Variants in LSS observed in about 807,000 individuals in gnomAD.
LSS encodes 2,3-epoxysqualene-lanosterol cyclase.
Under a neutral mutation model 110.3 loss-of-function variants are expected in LSS, and 90 were observed. That is an observed-to-expected ratio of 0.82 (90% CI 0.69 to 0.97). The LOEUF (loss-of-function observed/expected upper bound fraction) is 0.97. Ranked by LOEUF, LSS falls within the 50% of genes least tolerant of loss-of-function variation. LSS has a pLI of 0.00. For missense variants in LSS, 927 were observed against 990.0 expected (o/e 0.94, Z 0.85); for synonymous variants, 433 against 400.0 (o/e 1.08, Z -0.98).
At chr21:46,192,057 C>A in intron 20 of LSS, 98 bp from the exon 21 acceptor site, 1 of 939,576 alleles carries the variant, frequency 1.1e-6, no homozygotes, top group Non-Finnish European at 1.7e-6. Context: ...CCCTGGAATG[C>A]TGCAGTGAGA....
intron 3 of LSS, chr21:46,227,303 G>C (rs889973035): frequency 2.0e-6 from 1 of 494,596 alleles, no homozygotes; most frequent in Non-Finnish European, 3.6e-6. Context: ...CCTCCCTCAA[G>C]GCAACACAGA....
intron 16 of LSS, among the ~76,000 whole-genome samples, chr21:46,206,182 T>C (rs1267136004): frequency 6.6e-6 from 1 of 152,134 alleles, no homozygotes; most frequent in African/African-American, 2.4e-5. Flanking sequence ...CCATGTGTGA[T>C]GTGGAGGGGA....
chr21:46,226,301 TC>T (rs1299346865), intron 3 of LSS, among the ~76,000 whole-genome samples: 2 of 152,114 alleles, frequency 1.3e-5, no homozygotes, highest in Non-Finnish European at 2.9e-5. Flanking sequence ...CAAACCTGAT[TC>T]CAATCCTGTC....
rs527729606 is a variant in LSS, at chr21:46,197,627, G to A, written c.1671-1360C>T. ...ACTGCTGCCGGGCGCAGTGGCTCAC[G>A]CCTTGTAATCCCAGCACTTTGGGAG... is the stretch of plus-strand genomic sequence containing the variant. On this transcript the variant is annotated intron_variant, in intron 17 of 21. Transcript: ENST00000397728. Among the ~76,000 whole-genome samples the A allele has an allele frequency of 1.4e-4, 21 of 152,302 alleles. 1 individual carries two copies. The South Asian group carries it at 4.4e-3, about 32-fold the overall frequency.
intron 18 of LSS, among the ~76,000 whole-genome samples, 190 bp downstream of exon 18, chr21:46,196,012 T>C (rs140734418): frequency 1.5e-4 from 23 of 152,306 alleles, no homozygotes; most frequent in African/African-American, 5.3e-4. Flanking sequence ...ACTGAGCAAT[T>C]TCCACCGGGG....
At chr21:46,211,198 C>A (rs2080127241) in intron 11 of LSS, among the ~76,000 whole-genome samples, 1 of 152,188 alleles carries the variant, frequency 6.6e-6, no homozygotes, top group East Asian at 1.9e-4. Context: ...GTGATCTCAG[C>A]TCGCTGCAAG....
At chr21:46,191,616 G>T (rs1046743709) in intron 21 of LSS, among the ~76,000 whole-genome samples, 1 of 152,198 alleles carries the variant, frequency 6.6e-6, no homozygotes, top group Non-Finnish European at 1.5e-5. Flanking sequence ...CTGTCCTGCA[G>T]CAAAAAGGCT....
At position 46,216,741 on chromosome 21, in the gene LSS, CA is replaced by C. The variant is rs1013333581; in HGVS notation, c.648-218del. 6.6e-6 allele frequency among the ~76,000 whole-genome samples: 1 copy of C among 152,164 alleles called. No homozygotes were observed. Among genetic ancestry groups the C allele is most frequent in the Non-Finnish European group, 1.5e-5 (1 of 68,022 alleles). ...GAGCTGCACCTCCTAGTTCGGTCAG[CA>C]TTTTGCATCCTAAAACCAGGTGATG... is the stretch of plus-strand genomic sequence containing the variant. On this transcript the variant is annotated intron_variant, in intron 6 of 21. Coordinates refer to ENST00000397728, the MANE Select transcript of LSS (RefSeq NM_002340.6). This position sits in a 1 kb window ranked among gnomAD's most constrained non-coding sequence, Gnocchi z 4.2.
rs184526071 is a variant in LSS at position 46,199,171 on chromosome 21, C to T, written c.1671-2904G>A. Among the ~76,000 whole-genome samples the T allele has an allele frequency of 3.4e-4, 51 of 152,180 alleles. No individual in the cohort carries two copies. The East Asian group carries it at 9.8e-3, about 29-fold the overall frequency. On this transcript the variant is annotated intron_variant, in intron 17 of 21. Coordinates refer to ENST00000397728, the MANE Select transcript of LSS (RefSeq NM_002340.6). ...ACTGGCAGCCAAAATATATGAAGAA[C>T]TAAAACTCAACAATAAGAAAATTTA...
chr21:46,194,128 G>A (rs1460141228), intron 20 of LSS, among the ~76,000 whole-genome samples: 1 of 152,326 alleles, frequency 6.6e-6, no homozygotes, highest in South Asian at 2.1e-4. Context: ...TAGGGCCACA[G>A]AGAGCAGCTG....
In LSS at chr21:46,209,285, C is replaced by G. The variant is rs944947046; in HGVS notation, c.1266+269G>C. Among the ~76,000 whole-genome samples the G allele has an allele frequency of 6.6e-6, 1 of 152,174 alleles. No homozygotes were observed. The highest frequency in any genetic ancestry group is 1.5e-5 in the Non-Finnish European group (1 of 68,028). On this transcript the variant is annotated intron_variant, in intron 13 of 21. Transcript: ENST00000397728. This position sits in a 1 kb window ranked among gnomAD's most constrained non-coding sequence, Gnocchi z 4.4. ...CCCCTGCCCGTGCCTGGCCCTTGCA[C>G]ACAGTGGCTCCAACATGAGCAGGAC... is the stretch of plus-strand genomic sequence containing the variant.
At chr21:46,201,839 C>G (rs1387807123) in intron 17 of LSS, among the ~76,000 whole-genome samples, 1 of 150,290 alleles carries the variant, frequency 6.7e-6, no homozygotes, top group African/African-American at 2.4e-5. Context: ...GCACTCTCGC[C>G]TAGGCTGGAG....
In LSS at chr21:46,219,582, G is replaced by A. The variant is rs767092863; in HGVS notation, c.551-10C>T. 2 of 1,544,242 alleles carry A rather than the reference G, an allele frequency of 1.3e-6. No homozygotes were observed. Among genetic ancestry groups the A allele is most frequent in the South Asian group, 2.4e-5 (2 of 83,290 alleles). ...ATGGCCACAGCACCACCTGAGCGGGGAGAGAATAGGCCCACGTCATCTGCT... is the reference window on the plus strand; with the variant it reads ...ATGGCCACAGCACCACCTGAGCGGGAAGAGAATAGGCCCACGTCATCTGCT... On this transcript the variant is annotated splice_polypyrimidine_tract_variant and intron_variant, in intron 5 of 21. Transcript: ENST00000397728.
chr21:46,205,860 G>T lies in LSS; in HGVS notation c.1646C>A (p.Pro549Gln). 1 of 1,608,912 alleles carries T rather than the reference G, an allele frequency of 6.2e-7. No individual in the cohort carries two copies. Among genetic ancestry groups the T allele is most frequent in the East Asian group, 2.2e-5 (1 of 44,802 alleles). Residue 549 changes from proline to glutamine, a missense_variant, in exon 17 of 22, where the codon CCG becomes CAG. Pro to Gln is a moderately conservative substitution (Grantham distance 76). Transcript: ENST00000397728. Reference sequence around the variant, plus strand: ...CCGGATCTCCGCTGCCCTGTGCTCCGGGAAACGCTTGTGGAAATACTTAAG... The same window carrying T: ...CCGGATCTCCGCTGCCCTGTGCTCCTGGAAACGCTTGTGGAAATACTTAAG... Reference protein sequence around the residue: ...QALKYFHKRFPEHRAAEIRET... With the variant: ...QALKYFHKRFQEHRAAEIRET...
In LSS at chr21:46,218,132, AC is replaced by A. The variant is rs1185200463; in HGVS notation, c.647+1343del. On this transcript the variant is annotated intron_variant, in intron 6 of 21. Transcript: ENST00000397728. ...CACCCCCGCACCAAAGTCATCTAAC[AC>A]AAGGGACCCCCCCAGCCCTGCTGAT... Among the ~76,000 whole-genome samples the A allele has an allele frequency of 3.7e-5, 4 of 109,104 alleles. No homozygotes were observed. The East Asian group carries it at 1.2e-3, about 34-fold the overall frequency. 71.6% of individuals were successfully genotyped at this position (109,104 alleles called of 152,430 possible). A position where few individuals can be genotyped will look rare whatever the true frequency, so the allele number is the denominator to read the frequency against.
rs1215528524 is a variant in LSS, at chr21:46,194,478, C to T, written c.1988+13G>A. 3 of 1,612,646 alleles carry T rather than the reference C, an allele frequency of 1.9e-6. No individual in the cohort carries two copies. Among genetic ancestry groups the T allele is most frequent in the Non-Finnish European group, 1.7e-6 (2 of 1,179,962 alleles). On this transcript the variant is annotated intron_variant, in intron 20 of 21. Transcript: ENST00000397728. ...CCAAACCCAAGGCTCAGGGACGGTC[C>T]CGTCGTCCCCACCGAACGGCCATCA...
Position 46,194,621 on chromosome 21 carries a change from G to A in LSS, c.1858C>T (p.Leu620=), listed in dbSNP as rs1399071571. 6.2e-7 allele frequency: 1 copy of A among 1,613,484 alleles called. No homozygotes were observed. The highest frequency in any genetic ancestry group is 2.2e-5 in the East Asian group (1 of 44,900). The stretch of plus-strand genomic sequence containing the variant: ...CCTCCGTCTGCCATCTGCCGGGACA[G>A]CAGGAAGTCACAGGCCCGGGAGACC... The part of the protein sequence containing the change: ...AEVSRACDFL[L]SRQMADGGWG... The change falls in exon 20 of 22, where the codon CTG becomes TTG. Residue 620 remains leucine, a synonymous_variant. Coordinates refer to ENST00000397728, the MANE Select transcript of LSS (RefSeq NM_002340.6).
At chr21:46,193,695 T>C in intron 20 of LSS, 4 of 452,736 alleles carry the variant, frequency 8.8e-6, no homozygotes, top group South Asian at 6.2e-5. Flanking sequence ...TGGGTGTATC[T>C]GCATGTGTGT....
rs1391154058 is a variant in LSS, at chr21:46,191,907, G to A, written c.2041C>T (p.Gln681Ter). ...ERGVRCLLEK[Q>*]LPNGDWPQEN... is the part of the protein sequence containing the mutation. ...TGCGGCCAGTCGCCATTGGGGAGCT[G>A]TTTCTCAAGTAGACACCGGACTCCT... The change falls in exon 21 of 22, where the codon CAG (glutamine) becomes TAG (stop). Residue 681 changes from glutamine to a stop codon, truncating the protein, a stop_gained. Coordinates refer to ENST00000397728, the MANE Select transcript of LSS (RefSeq NM_002340.6). LOFTEE classifies it high-confidence loss of function. 1 of 1,613,696 alleles carries A rather than the reference G, an allele frequency of 6.2e-7. No individual in the cohort carries two copies. The highest frequency in any genetic ancestry group is 8.5e-7 in the Non-Finnish European group (1 of 1,179,904).
Sources: gnomAD v4.1 joint callset for allele counts (sites outside exome capture counted in the v4.1 genomes callset) on GRCh38, gnomAD v4.1.1 for gene constraint, Gnocchi (gnomAD v3.1) non-coding constraint, MANE v1.5 for transcripts, NCBI Gene and HGNC (gene_info 2026-07-23, HGNC 2026-07-21) for gene names.